Variants in ZSCAN5A observed in about 807,000 individuals in gnomAD.
The protein encoded by ZSCAN5A is zinc finger and SCAN domain containing 5A, also known as zinc finger and SCAN domain-containing protein 5A.
ZSCAN5A carries 12 observed loss-of-function variants against 23.7 expected under a neutral mutation model. That is an observed-to-expected ratio of 0.51 (90% CI 0.32 to 0.82). The LOEUF (loss-of-function observed/expected upper bound fraction) is 0.82, where lower values mean the gene tolerates loss of function less well. Ranked by LOEUF, ZSCAN5A falls within the 40% of genes least tolerant of loss-of-function variation. The pLI, the probability that ZSCAN5A is intolerant of heterozygous loss-of-function variation, is 0.03. For missense variants in ZSCAN5A, 597 were observed against 617.9 expected, an observed-to-expected ratio of 0.97 and a Z score of 0.36; for synonymous variants, 257 against 239.9, an observed-to-expected ratio of 1.07 and a Z score of -0.66.
At chr19:56,240,562 T>C (rs1165881448) in intron 2 of ZSCAN5A, among the ~76,000 whole-genome samples, 2 of 152,180 alleles carry the variant, frequency 1.3e-5, no homozygotes, top group Non-Finnish European at 2.9e-5. Flanking sequence ...GCCATGTCTG[T>C]GGGGTTTAGG....
intron 1 of ZSCAN5A, among the ~76,000 whole-genome samples, chr19:56,366,635 C>T (rs1244276174): frequency 1.3e-5 from 2 of 152,184 alleles, no homozygotes; most frequent in Admixed American, 1.3e-4. Context: ...TAAGGCTCTA[C>T]TCTAACCAAT....
intron 2 of ZSCAN5A, chr19:56,347,042 G>A (rs1416591752): frequency 2.0e-5 from 3 of 152,200 alleles, no homozygotes; most frequent in Non-Finnish European, 4.4e-5. Flanking sequence ...TATTCTTGTT[G>A]TAACCGAGCA....
chr19:56,257,380 G>A (rs1023050090), intron 2 of ZSCAN5A, among the ~76,000 whole-genome samples: 2 of 152,270 alleles, frequency 1.3e-5, no homozygotes, highest in Middle Eastern at 3.4e-3. Flanking sequence ...CAGATGTCAC[G>A]GGAGGATACA....
At chr19:56,315,395 T>A (rs2041287814), upstream of ZSCAN5A, 1 of 152,302 alleles carries the variant, frequency 6.6e-6, no homozygotes, top group Non-Finnish European at 1.5e-5. Context: ...CGCGAGGCGC[T>A]CTGGGTCTCA....
intron 5 of ZSCAN5A, 27 bp downstream of exon 5, chr19:56,222,564 C>T: frequency 1.2e-6 from 2 of 1,612,704 alleles, no homozygotes; most frequent in Non-Finnish European, 1.7e-6. Context: ...GGGACTAACC[C>T]CTGTGGATCC....
At chr19:56,312,748 T>A (rs2041119134) in intron 2 of ZSCAN5A, among the ~76,000 whole-genome samples, 1 of 152,204 alleles carries the variant, frequency 6.6e-6, no homozygotes, top group Non-Finnish European at 1.5e-5. Flanking sequence ...AATATAAAAT[T>A]ATCCCAAAAT....
chr19:56,302,626 C>T (rs1461673811), intron 2 of ZSCAN5A, among the ~76,000 whole-genome samples: 3 of 129,470 alleles, frequency 2.3e-5, no homozygotes, highest in African/African-American at 5.9e-5. Context: ...TTCCTCCCTC[C>T]CTCCTCCTCC....
intron 2 of ZSCAN5A, among the ~76,000 whole-genome samples, chr19:56,330,811 G>A (rs2041482006): frequency 6.6e-6 from 1 of 151,606 alleles, no homozygotes; most frequent in Non-Finnish European, 1.5e-5. Flanking sequence ...CGTTTGCTGT[G>A]TAATTAGATC....
At chr19:56,326,490 C>T (rs1168539913) in intron 2 of ZSCAN5A, among the ~76,000 whole-genome samples, 1 of 152,094 alleles carries the variant, frequency 6.6e-6, no homozygotes, top group Non-Finnish European at 1.5e-5. Flanking sequence ...CCCCAACCCT[C>T]CACCCCTGGT....
At chr19:56,282,144 T>A (rs1462218996) in intron 2 of ZSCAN5A, among the ~76,000 whole-genome samples, 2 of 152,142 alleles carry the variant, frequency 1.3e-5, no homozygotes, top group Admixed American at 1.3e-4. Context: ...TTTCCCAGAA[T>A]TAACATCCAG....
At chr19:56,272,564 C>G (rs1295347883) in intron 2 of ZSCAN5A, among the ~76,000 whole-genome samples, 1 of 152,142 alleles carries the variant, frequency 6.6e-6, no homozygotes, top group East Asian at 1.9e-4. Context: ...AGGAGGAGGG[C>G]AGGATTTGGC....
intron 2 of ZSCAN5A, among the ~76,000 whole-genome samples, chr19:56,326,078 C>A (rs570296984): frequency 4.6e-5 from 7 of 151,556 alleles, no homozygotes; most frequent in African/African-American, 1.5e-4. Flanking sequence ...GACTACAGGC[C>A]CCCGCCACCA....
In ZSCAN5A at chr19:56,352,953, A is replaced by AG. The variant is rs1179497154; in HGVS notation, c.-358+10281dup. ...ATTGTGGGCCACATAATACATTTTCAGGGGGAAGAGGGCTGTCCTGTGCAT... is the reference window on the plus strand; with the variant it reads ...ATTGTGGGCCACATAATACATTTTCAGGGGGGAAGAGGGCTGTCCTGTGCAT... On this transcript the variant is annotated intron_variant, in intron 2 of 6. Transcript: ENST00000587340. This position sits in a 1 kb window ranked among gnomAD's most constrained non-coding sequence, Gnocchi z 4.2. Among the ~76,000 whole-genome samples, 1 of 152,204 alleles carries AG rather than the reference A, an allele frequency of 6.6e-6. No homozygotes were observed. The highest frequency in any genetic ancestry group is 1.5e-5 in the Non-Finnish European group (1 of 68,026).
chr19:56,257,967 CCGA>C lies in ZSCAN5A; in HGVS notation c.-127-32797_-127-32795del, dbSNP rs1304732854. ...CCTGGCTCCTGCCTCCCACCACTGC[CCGA>C]TCTTCTTAGACACAGGCGCCGGGAG... On this transcript the variant is annotated intron_variant, in intron 2 of 5. Transcript: ENST00000683990. Among the ~76,000 whole-genome samples the C allele has an allele frequency of 8.7e-4, 126 of 144,066 alleles. 2 individuals carry two copies. Among genetic ancestry groups the C allele is most frequent in the African/African-American group, 3.0e-3 (112 of 36,812 alleles). 94.5% of individuals were successfully genotyped at this position (144,066 alleles called of 152,430 possible).
intron 2 of ZSCAN5A, chr19:56,363,047 A>G (rs1484644580): frequency 6.6e-6 from 1 of 152,226 alleles, no homozygotes; most frequent in African/African-American, 2.4e-5. Context: ...TTAATGTCCC[A>G]AAGTTATACA....
chr19:56,349,704 CAAAAAAAAAAA>C (rs3059533), intron 2 of ZSCAN5A, among the ~76,000 whole-genome samples: 115 of 30,942 alleles, frequency 3.7e-3, no homozygotes, highest in African/African-American at 0.011. Flanking sequence ...AACTCCGTCT[CAAAAAAAAAAA>C]AAAAAAAAAA....
At chr19:56,235,074 G>C (rs2034782648) in intron 2 of ZSCAN5A, among the ~76,000 whole-genome samples, 1 of 134,312 alleles carries the variant, frequency 7.4e-6, no homozygotes. Context: ...CGTGGGCCAA[G>C]CCTCCACTCC....
chr19:56,234,694 C>T (rs58149761), intron 2 of ZSCAN5A, among the ~76,000 whole-genome samples: 12,853 of 148,012 alleles, frequency 0.087, 1,225 homozygotes, highest in African/African-American at 0.24. Context: ...TTCTCTCTGA[C>T]CACCGGTGCA....
In ZSCAN5A at chr19:56,228,344, G is replaced by A. The variant is rs922833791; in HGVS notation, c.-127-3171C>T. The A allele has an allele frequency of 4.1e-6, 4 of 985,266 alleles. No individual in the cohort carries two copies. In the African/African-American group the frequency reaches 7.0e-5, roughly 17 times the overall value. The allele number at this position is 985,266 out of a possible 1,614,324, so 61.0% of individuals were successfully genotyped here. ...ACTGCGTCTATTTATGGAGAAGCGG[G>A]ACTCCAGGCCGCGTTTCCGGTTCCC... On this transcript the variant is annotated intron_variant, in intron 2 of 5. Transcript: ENST00000683990.
Sources: allele counts gnomAD v4.1 joint callset (sites outside exome capture counted in the v4.1 genomes callset), GRCh38; gene constraint gnomAD v4.1.1; non-coding constraint Gnocchi (gnomAD v3.1); transcripts MANE v1.5; gene names NCBI Gene and HGNC (gene_info 2026-07-23, HGNC 2026-07-21).